Variants in TNN observed in about 807,000 individuals in gnomAD.
TNN encodes the protein tenascin-N.
In TNN, 122 loss-of-function variants were observed where a neutral mutation model predicts 134.4. That is an observed-to-expected ratio of 0.91 (90% CI 0.78 to 1.06). The LOEUF (loss-of-function observed/expected upper bound fraction) is 1.06. Ranked by LOEUF, TNN falls within the 50% of genes least tolerant of loss-of-function variation. The pLI, the probability that TNN is intolerant of heterozygous loss-of-function variation, is 0.00. For missense variants in TNN, 1,739 were observed against 1,699.4 expected (o/e 1.02, Z -0.41); for synonymous variants, 710 against 670.3 (o/e 1.06, Z -0.91).
intron 9 of TNN, among the ~76,000 whole-genome samples, chr1:175,107,050 T>C (rs957275355): frequency 1.4e-5 from 2 of 146,286 alleles, no homozygotes; most frequent in Non-Finnish European, 3.0e-5. Flanking sequence ...GTCTCACCGC[T>C]CGGCTATTGT....
At chr1:175,074,425 C>T (rs1673990173) in intron 1 of TNN, among the ~76,000 whole-genome samples, 1 of 145,472 alleles carries the variant, frequency 6.9e-6, no homozygotes, top group Non-Finnish European at 1.5e-5. Context: ...GTGGACATTG[C>T]AGTGAGCCGT....
intron 12 of TNN, among the ~76,000 whole-genome samples, chr1:175,124,259 A>G (rs1293280201): frequency 6.6e-6 from 1 of 152,252 alleles, no homozygotes. Flanking sequence ...CACGGGACCT[A>G]GAGATGGCTT....
chr1:175,122,003 T>C (rs1288697753), intron 11 of TNN, among the ~76,000 whole-genome samples: 3 of 152,172 alleles, frequency 2.0e-5, no homozygotes, highest in African/African-American at 7.2e-5. Flanking sequence ...GGGCTCAGAA[T>C]TAATAGATAT....
chr1:175,086,356 C>G (rs2149429412), intron 6 of TNN, among the ~76,000 whole-genome samples: 1 of 152,280 alleles, frequency 6.6e-6, no homozygotes, highest in Non-Finnish European at 1.5e-5. Context: ...TTAATCAGAA[C>G]AGAATTGGAA....
In TNN at chr1:175,097,470, AC is replaced by A. The variant is rs752639196; in HGVS notation, c.1644del (p.Ile549SerfsTer39). ...VTDRVTENTA[T>X]ISWDPVQATI... Reference sequence around the variant, plus strand: ...TGACCGGGTGACTGAGAATACCGCCACCATCTCCTGGGACCCGGTACAGGCC... The same window carrying A: ...TGACCGGGTGACTGAGAATACCGCCACATCTCCTGGGACCCGGTACAGGCC... On this transcript the variant is annotated frameshift_variant, in exon 8 of 19. Coordinates refer to ENST00000239462, the MANE Select transcript of TNN (RefSeq NM_022093.2). LOFTEE classifies it high-confidence loss of function. 6.2e-7 allele frequency: 1 copy of A among 1,614,228 alleles called. No individual in the cohort carries two copies. The highest frequency in any genetic ancestry group is 8.5e-7 in the Non-Finnish European group (1 of 1,180,050).
chr1:175,145,577 C>CAAAAAAAAAAAAAA, intron 18 of TNN, among the ~76,000 whole-genome samples: 1 of 34,790 alleles, frequency 2.9e-5, no homozygotes. Flanking sequence ...AAAAAAAAAG[C>CAAAAAAAAAAAAAA]TGTCTCAAGT....
rs1204656551 is a variant in TNN at position 175,098,523 on chromosome 1, G to C, written c.2047G>C (p.Glu683Gln). Residue 683 changes from glutamate to glutamine, a missense_variant, in exon 9 of 19, where the codon GAG (glutamate) becomes CAG (glutamine). Physicochemically the swap from Glu to Gln is conservative, Grantham distance 29. Transcript: ENST00000239462. ...CCTGACAGGCCTGAGACCGGGTATGGAGTACATGGTGCACGTGTGGGCCCA... is the reference window on the plus strand; with the variant it reads ...CCTGACAGGCCTGAGACCGGGTATGCAGTACATGGTGCACGTGTGGGCCCA... Reference protein sequence around the residue: ...TVLTGLRPGMEYMVHVWAQKG... With the variant: ...TVLTGLRPGMQYMVHVWAQKG... 6.2e-7 allele frequency: 1 copy of C among 1,614,190 alleles called. No homozygotes were observed. Among genetic ancestry groups the C allele is most frequent in the East Asian group, 2.2e-5 (1 of 44,876 alleles).
intron 6 of TNN, among the ~76,000 whole-genome samples, chr1:175,088,758 G>A (rs938515540): frequency 1.3e-5 from 2 of 152,124 alleles, no homozygotes; most frequent in South Asian, 2.1e-4. Context: ...GATGTATCTG[G>A]GCCAAAGAGA....
chr1:175,135,996 C>A, intron 16 of TNN, 55 bp downstream of exon 16: 11 of 1,338,596 alleles, frequency 8.2e-6, no homozygotes, highest in Non-Finnish European at 1.2e-5. Flanking sequence ...TCTCCCAGGA[C>A]AAGCTAGCTA....
In TNN at chr1:175,145,028, C is replaced by T. The variant is rs897061498; in HGVS notation, c.3759+478C>T. ...CTTGTGGCTGTGCGTCCTCACATGG[C>T]GGACAGAAAGGAGCTCTGATCTCTT... On this transcript the variant is annotated intron_variant, in intron 18 of 18. Coordinates refer to ENST00000239462, the MANE Select transcript of TNN (RefSeq NM_022093.2). Among the ~76,000 whole-genome samples the T allele has an allele frequency of 2.0e-4, 30 of 152,082 alleles. 1 individual carries two copies. The highest frequency in any genetic ancestry group is 6.5e-4 in the African/African-American group (27 of 41,498).
Position 175,080,225 on chromosome 1 carries a change from G to C in TNN, c.847G>C (p.Glu283Gln), listed in dbSNP as rs2149427314. ...NTEDSLLVSWEPSSQVDHYLL... is the reference protein window; with the variant it reads ...NTEDSLLVSWQPSSQVDHYLL... ...GGAGGATTCTCTGCTGGTGAGCTGG[G>C]AGCCCTCCAGCCAGGTGGATCACTA... The change falls in exon 4 of 19, where the codon GAG (glutamate) becomes CAG (glutamine). Residue 283 changes from glutamate (E) to glutamine (Q), a missense_variant. By Grantham distance (29) the Glu-to-Gln change is conservative. Transcript: ENST00000239462. 6.2e-7 allele frequency: 1 copy of C among 1,614,048 alleles called. No homozygotes were observed. Among genetic ancestry groups the C allele is most frequent in the East Asian group, 2.2e-5 (1 of 44,864 alleles).
In TNN at chr1:175,077,641, C is replaced by T; in HGVS notation, c.223C>T (p.Leu75=). The T allele has an allele frequency of 6.2e-7, 1 of 1,614,224 alleles. No homozygotes were observed. Among genetic ancestry groups the T allele is most frequent in the Non-Finnish European group, 8.5e-7 (1 of 1,180,036 alleles). ...LSDDGASLLA[L]GEAREEQNII... ...TGACGATGGGGCTTCGCTCTTGGCC[C>T]TGGGGGAGGCCAGGGAGGAACAGAA... The change falls in exon 2 of 19, where the codon CTG becomes TTG. Residue 75 remains leucine (L), a synonymous_variant. Coordinates refer to ENST00000239462, the MANE Select transcript of TNN (RefSeq NM_022093.2).
chr1:175,144,695 C>G (rs1019449619), intron 18 of TNN, 145 bp downstream of exon 18: 141 of 906,520 alleles, frequency 1.6e-4, no homozygotes, highest in Middle Eastern at 6.7e-4. Flanking sequence ...GGCTCCATGG[C>G]CTTGAGGTCG....
intron 4 of TNN, among the ~76,000 whole-genome samples, chr1:175,082,756 A>G (rs1423641623): frequency 6.6e-6 from 1 of 152,150 alleles, no homozygotes; most frequent in African/African-American, 2.4e-5. Flanking sequence ...AGACACCTCC[A>G]GGGAGGTGAA....
intron 9 of TNN, among the ~76,000 whole-genome samples, chr1:175,113,532 C>T (rs1223718698): frequency 6.6e-6 from 1 of 152,158 alleles, no homozygotes; most frequent in African/African-American, 2.4e-5. Context: ...TAATATACTT[C>T]AGGAAGGACC....
At chr1:175,073,229 C>T (rs183685673) in intron 1 of TNN, among the ~76,000 whole-genome samples, 19 of 152,182 alleles carry the variant, frequency 1.2e-4, no homozygotes, top group Admixed American at 9.2e-4. Context: ...CATCTGTGGC[C>T]GTGTGCTCAT....
chr1:175,091,709 C>T (rs999607077), intron 6 of TNN, among the ~76,000 whole-genome samples: 1 of 152,050 alleles, frequency 6.6e-6, no homozygotes, highest in African/African-American at 2.4e-5. Context: ...GTGCCTCAGC[C>T]TCCCGAGTAG....
chr1:175,126,226 C>T (rs1304247202), intron 12 of TNN, among the ~76,000 whole-genome samples: 10 of 151,388 alleles, frequency 6.6e-5, no homozygotes, highest in South Asian at 6.3e-4. Flanking sequence ...CTCAGCCTCC[C>T]GAGTAGCTGG....
At chr1:175,116,202 T>C (rs1349301455) in intron 9 of TNN, among the ~76,000 whole-genome samples, 1 of 152,184 alleles carries the variant, frequency 6.6e-6, no homozygotes. Flanking sequence ...TATGTACTAA[T>C]ATTATTTTTC....
Sources: gnomAD v4.1 joint callset for allele counts (sites outside exome capture counted in the v4.1 genomes callset) on GRCh38, gnomAD v4.1.1 for gene constraint, MANE v1.5 for transcripts, NCBI Gene and HGNC (gene_info 2026-07-23, HGNC 2026-07-21) for gene names.